Variants in RPSA2 observed in about 807,000 individuals in gnomAD.
RPSA2 encodes ribosomal protein SA 2.
chr19:23,804,462 A>AC, the RPSA2 span, among the ~76,000 whole-genome samples: 1 of 6,282 alleles, frequency 1.6e-4, no homozygotes, highest in Admixed American at 4.5e-3. Flanking sequence ...ACACCCGGCT[A>AC]ATTTTTGTAT....
chr19:23,780,991 C>CT, the RPSA2 span, among the ~76,000 whole-genome samples: 2 of 152,056 alleles, frequency 1.3e-5, no homozygotes, highest in Non-Finnish European at 2.9e-5. Flanking sequence ...TGACTTTTTT[C>CT]TTTGAGACAG....
the RPSA2 span, among the ~76,000 whole-genome samples, chr19:23,861,001 G>T: frequency 5.8e-5 from 5 of 85,580 alleles, no homozygotes; most frequent in Admixed American, 3.1e-4. Flanking sequence ...TCCAGTACAT[G>T]TTGCTCCTCC....
the RPSA2 span, among the ~76,000 whole-genome samples, chr19:23,851,847 G>A: frequency 2.0e-4 from 30 of 152,302 alleles, no homozygotes; most frequent in East Asian, 4.2e-3. Flanking sequence ...GAAAATGATT[G>A]TCAATAACGC....
the RPSA2 span, among the ~76,000 whole-genome samples, chr19:23,764,288 A>G: frequency 6.6e-6 from 1 of 152,104 alleles, no homozygotes; most frequent in Non-Finnish European, 1.5e-5. Context: ...CTTGCAGTAA[A>G]ATTATAAATT....
chr19:23,793,740 A>G, the RPSA2 span, among the ~76,000 whole-genome samples: 38 of 151,980 alleles, frequency 2.5e-4, no homozygotes, highest in South Asian at 7.5e-3. Context: ...TAATTTTTGT[A>G]TTTTTAGTAG....
chr19:23,826,402 A>G, the RPSA2 span, among the ~76,000 whole-genome samples: 1 of 151,926 alleles, frequency 6.6e-6, no homozygotes, highest in Non-Finnish European at 1.5e-5. Flanking sequence ...CATGTTGGCC[A>G]GCGTGGTTTC....
the RPSA2 span, among the ~76,000 whole-genome samples, chr19:23,770,513 C>A: frequency 6.6e-6 from 1 of 152,146 alleles, no homozygotes; most frequent in Non-Finnish European, 1.5e-5. Context: ...GAGTTCAACA[C>A]CCATGAAATG....
At chr19:23,770,138 C>T in the RPSA2 span, among the ~76,000 whole-genome samples, 1 of 150,744 alleles carries the variant, frequency 6.6e-6, no homozygotes, top group East Asian at 2.0e-4. Context: ...TTTTTGGGCC[C>T]ATAATTTAGA....
At chr19:23,811,878 CAA>C in the RPSA2 span, among the ~76,000 whole-genome samples, 1 of 107,524 alleles carries the variant, frequency 9.3e-6, no homozygotes, top group African/African-American at 2.6e-5. Flanking sequence ...ACATTTAAAA[CAA>C]AAAATTGTCA....
At chr19:23,865,568 G>T in the RPSA2 span, among the ~76,000 whole-genome samples, 32 of 152,246 alleles carry the variant, frequency 2.1e-4, no homozygotes, top group African/African-American at 5.8e-4. Flanking sequence ...AAACTCATTT[G>T]TTCCTCCAAC....
At chr19:23,829,457 A>G in the RPSA2 span, among the ~76,000 whole-genome samples, 2 of 152,134 alleles carry the variant, frequency 1.3e-5, no homozygotes, top group East Asian at 1.9e-4. Flanking sequence ...AGGTGCCACC[A>G]TGCCTGGCTA....
chr19:23,792,170 G>A, the RPSA2 span, among the ~76,000 whole-genome samples: 1 of 152,184 alleles, frequency 6.6e-6, no homozygotes. Context: ...GAGTAATATT[G>A]CTGAATTTTT....
At chr19:23,800,159 G>T in the RPSA2 span, among the ~76,000 whole-genome samples, 4 of 151,076 alleles carry the variant, frequency 2.6e-5, no homozygotes, top group Non-Finnish European at 5.9e-5. Context: ...CTCCCAAGTA[G>T]CTGGGATTAC....
At chr19:23,842,120 C>T in the RPSA2 span, among the ~76,000 whole-genome samples, 1 of 152,180 alleles carries the variant, frequency 6.6e-6, no homozygotes, top group Non-Finnish European at 1.5e-5. Context: ...CAGGTCTCAT[C>T]CCACATCCCT....
At chr19:23,849,038 G>A in the RPSA2 span, among the ~76,000 whole-genome samples, 1 of 152,252 alleles carries the variant, frequency 6.6e-6, no homozygotes, top group African/African-American at 2.4e-5. Context: ...CCAGTATCCA[G>A]ATTCCTTCTT....
the RPSA2 span, among the ~76,000 whole-genome samples, chr19:23,809,682 T>C: frequency 2.7e-5 from 4 of 149,940 alleles, no homozygotes; most frequent in African/African-American, 7.6e-5. Flanking sequence ...CCATAACTTA[T>C]ACTTGTATGT....
the RPSA2 span, among the ~76,000 whole-genome samples, chr19:23,837,998 A>G: frequency 6.6e-6 from 1 of 152,054 alleles, no homozygotes; most frequent in Non-Finnish European, 1.5e-5. Context: ...GAGTGGTGAG[A>G]GTGGGCACCC....
chr19:23,806,657 T>A, the RPSA2 span, among the ~76,000 whole-genome samples: 1 of 151,716 alleles, frequency 6.6e-6, no homozygotes. Context: ...TGGTGGCACG[T>A]GCTAGTAGTC....
chr19:23,768,229 C>T, the RPSA2 span, among the ~76,000 whole-genome samples: 2 of 151,900 alleles, frequency 1.3e-5, no homozygotes, highest in Non-Finnish European at 2.9e-5. Flanking sequence ...AATAGAACCC[C>T]AGGGGTTTGC....
Sources: allele counts gnomAD v4.1 joint callset (sites outside exome capture counted in the v4.1 genomes callset), GRCh38; gene constraint gnomAD v4.1.1; transcripts MANE v1.5; gene names NCBI Gene and HGNC (gene_info 2026-07-23, HGNC 2026-07-21).